The following LARS1 variants were observed in gnomAD, a reference collection of about 807,000 sequenced individuals.
LARS1 encodes leucine--tRNA ligase, cytoplasmic.
LARS1 carries 100 observed loss-of-function variants against 162.8 expected under a neutral mutation model. That is an observed-to-expected ratio of 0.61 (90% CI 0.52 to 0.73). The LOEUF (loss-of-function observed/expected upper bound fraction) is 0.73. Ranked by LOEUF, LARS1 falls within the 30% of genes least tolerant of loss-of-function variation. The probability of loss-of-function intolerance (pLI) is 0.00; values close to 1 mark genes in which losing one functional copy is unlikely to be tolerated. For synonymous variants in LARS1, 457 were observed against 462.8 expected (o/e 0.99, Z 0.16); for missense variants, 1,258 against 1,408.9 (o/e 0.89, Z 1.71).
At chr5:146,165,335 AAAC>A (rs903971628) in intron 5 of LARS1, among the ~76,000 whole-genome samples, 9 of 151,986 alleles carry the variant, frequency 5.9e-5, no homozygotes, top group Admixed American at 2.6e-4. Context: ...ACTCCATCTC[AAAC>A]AACAACAACA....
At chr5:146,148,578 TG>T (rs1408713982) in intron 15 of LARS1, among the ~76,000 whole-genome samples, 2 of 152,224 alleles carry the variant, frequency 1.3e-5, no homozygotes, top group Non-Finnish European at 2.9e-5. Context: ...ATCTAACATT[TG>T]TTATAACTAC....
At chr5:146,139,231 T>C (rs1171164332) in intron 21 of LARS1, among the ~76,000 whole-genome samples, 1 of 151,182 alleles carries the variant, frequency 6.6e-6, no homozygotes, top group Non-Finnish European at 1.5e-5. Context: ...TAATCCCAGC[T>C]ACTCAGGAGG....
rs184288929 is a variant in LARS1 at position 146,137,525 on chromosome 5, G to A, written c.2149-1861C>T. On this transcript the variant is annotated intron_variant, in intron 21 of 31. Transcript: ENST00000394434. ...ATTATTAATAGTAACAGTAGTGATAGTAACAGCAGAAGCATAGAGAGGACT... is the reference window on the plus strand; with the variant it reads ...ATTATTAATAGTAACAGTAGTGATAATAACAGCAGAAGCATAGAGAGGACT... Among the ~76,000 whole-genome samples, 179 of 152,248 alleles carry A rather than the reference G, an allele frequency of 1.2e-3. 2 individuals carry two copies. Among genetic ancestry groups the A allele is most frequent in the Admixed American group, 2.8e-3 (43 of 15,282 alleles).
chr5:146,166,228 A>G (rs982801585), intron 5 of LARS1, among the ~76,000 whole-genome samples: 13 of 152,158 alleles, frequency 8.5e-5, no homozygotes, highest in Non-Finnish European at 1.8e-4. Context: ...AGCTTGTGAC[A>G]CCATAAAGAA....
At chr5:146,137,190 G>A (rs568303131) in intron 21 of LARS1, among the ~76,000 whole-genome samples, 8 of 152,250 alleles carry the variant, frequency 5.3e-5, no homozygotes, top group Admixed American at 1.3e-4. Context: ...GAGTCACCGC[G>A]CCCAGTCCCC....
chr5:146,150,277 A>G (rs1468730635), intron 14 of LARS1, among the ~76,000 whole-genome samples: 6 of 152,196 alleles, frequency 3.9e-5, no homozygotes, highest in Non-Finnish European at 2.9e-5. Flanking sequence ...AATAAAGCAG[A>G]TATTTTCACC....
At chr5:146,148,670 A>G (rs1465432131) in intron 15 of LARS1, among the ~76,000 whole-genome samples, 1 of 152,222 alleles carries the variant, frequency 6.6e-6, no homozygotes, top group East Asian at 1.9e-4. Flanking sequence ...TAGGGGAAAG[A>G]GTGTAACTTT....
chr5:146,142,829 T>C (rs1193438372), intron 20 of LARS1, 43 bp downstream of exon 20: 8 of 1,471,398 alleles, frequency 5.4e-6, no homozygotes, highest in Non-Finnish European at 7.6e-6. Flanking sequence ...GACACCCCTA[T>C]TGACAATCAA....
chr5:146,117,749 C>G (rs1751619391), intron 31 of LARS1, among the ~76,000 whole-genome samples: 1 of 151,670 alleles, frequency 6.6e-6, no homozygotes, highest in South Asian at 2.1e-4. Flanking sequence ...GTACCTAGTT[C>G]ACTGAGAGGA....
chr5:146,140,358 T>C, intron 20 of LARS1, 97 bp from the exon 21 acceptor site: 1 of 905,370 alleles, frequency 1.1e-6, no homozygotes, highest in Non-Finnish European at 1.8e-6. Flanking sequence ...TCATAAAGGC[T>C]TGCTAAGATA....
chr5:146,118,365 TG>T (rs1751664887), intron 31 of LARS1, among the ~76,000 whole-genome samples: 1 of 151,994 alleles, frequency 6.6e-6, no homozygotes, highest in Non-Finnish European at 1.5e-5. Context: ...CTGGGAAGGA[TG>T]GAAGAGAGGG....
chr5:146,126,636 C>T, intron 27 of LARS1, 91 bp from the exon 28 acceptor site: 1 of 778,854 alleles, frequency 1.3e-6, no homozygotes, highest in Non-Finnish European at 2.2e-6. Flanking sequence ...GAATGGTGGC[C>T]TCTATCAATC....
At chr5:146,159,312 C>T (rs906811714) in intron 8 of LARS1, 95 bp downstream of exon 8, 1 of 877,900 alleles carries the variant, frequency 1.1e-6, no homozygotes, top group Non-Finnish European at 1.8e-6. Flanking sequence ...CATCCCTCAG[C>T]ACTACAAAGA....
In LARS1 at chr5:146,177,642, C is replaced by T. The variant is rs1383785370; in HGVS notation, c.30G>A (p.Val10=). 2 of 1,600,976 alleles carry T rather than the reference C, an allele frequency of 1.2e-6. No individual in the cohort carries two copies. The highest frequency in any genetic ancestry group is 1.3e-5 in the African/African-American group (1 of 74,586). The change falls in exon 2 of 32, where the codon GTG becomes GTA. Residue 10 remains valine, a synonymous_variant. Transcript: ENST00000394434. ...CTTTCTCAATCTTCTTCAAAAAGTC[C>T]ACTTTGGCTGTTCCTTTTCTTTCCT... MAERKGTAK[V]DFLKKIEKEI...
chr5:146,114,642 A>T (rs931121688), intron 31 of LARS1, among the ~76,000 whole-genome samples: 1 of 152,108 alleles, frequency 6.6e-6, no homozygotes, highest in African/African-American at 2.4e-5. Flanking sequence ...AGGCTGACAC[A>T]GGAAAATCGC....
At chr5:146,170,344 C>G (rs1754205463) in intron 4 of LARS1, among the ~76,000 whole-genome samples, 1 of 151,942 alleles carries the variant, frequency 6.6e-6, no homozygotes, top group Non-Finnish European at 1.5e-5. Flanking sequence ...GTAGCAGGCA[C>G]CTGTAATCCC....
intron 10 of LARS1, among the ~76,000 whole-genome samples, chr5:146,155,011 CT>C (rs1036408023): frequency 3.0e-4 from 45 of 151,996 alleles, no homozygotes; most frequent in African/African-American, 1.0e-3. Context: ...ACCACCACGC[CT>C]GGCTAATTTC....
At chr5:146,177,210 T>G (rs1754622673) in intron 2 of LARS1, among the ~76,000 whole-genome samples, 1 of 152,084 alleles carries the variant, frequency 6.6e-6, no homozygotes, top group South Asian at 2.1e-4. Flanking sequence ...CTCACGCCTG[T>G]AATCCCAGGA....
At position 146,182,528 on chromosome 5, in the gene LARS1, A is replaced by G. The variant is rs1486808133; in HGVS notation, c.-35T>C. On this transcript the variant is annotated 5_prime_UTR_variant, in exon 1 of 32. Coordinates refer to ENST00000394434, the MANE Select transcript of LARS1 (RefSeq NM_020117.11). ...CAGCCGACTGTGCAAATCCACGACA[A>G]TGACCCTGGCGACCTCCACAAAGGA... The G allele has an allele frequency of 5.0e-6, 8 of 1,613,850 alleles. No individual in the cohort carries two copies. Among genetic ancestry groups the G allele is most frequent in the African/African-American group, 1.3e-5 (1 of 74,988 alleles).
Sources: gnomAD v4.1 joint callset for allele counts (sites outside exome capture counted in the v4.1 genomes callset) on GRCh38, gnomAD v4.1.1 for gene constraint, MANE v1.5 for transcripts, NCBI Gene and HGNC (gene_info 2026-07-23, HGNC 2026-07-21) for gene names.